The following DMD variants were observed in gnomAD, a reference collection of about 807,000 sequenced individuals.
DMD encodes the protein mutant dystrophin.
In DMD, 63 loss-of-function variants were observed where a neutral mutation model predicts 330.1. The ratio of observed to expected loss-of-function variants is 0.19; its 90% confidence interval spans 0.16 to 0.24. The LOEUF (loss-of-function observed/expected upper bound fraction) is 0.24. Among genes scored for constraint, DMD ranks in the 10% least tolerant of loss-of-function variants. DMD has a pLI of 1.00. For synonymous variants in DMD, 1,223 were observed against 959.8 expected (o/e 1.27, Z -5.07); for missense variants, 3,344 against 2,684.1 (o/e 1.25, Z -5.43).
intron 44 of DMD, among the ~76,000 whole-genome samples, chrX:32,116,563 GT>G (rs1175411044): frequency 2.7e-5 from 3 of 111,880 alleles, no homozygotes; most frequent in Admixed American, 9.5e-5. Flanking sequence ...TGTAAAAATT[GT>G]TTTGAGCTAA....
intron 52 of DMD, among the ~76,000 whole-genome samples, chrX:31,710,033 G>A (rs1030107630): frequency 1.8e-5 from 2 of 111,808 alleles, no homozygotes; most frequent in African/African-American, 3.2e-5. Context: ...ATAGCCTGGG[G>A]AGCTTGTTAT....
At position 33,135,383 on chromosome X, in the gene DMD, T is replaced by C. The variant is rs371955991; in HGVS notation, c.31+75899A>G. Among the ~76,000 whole-genome samples the C allele has an allele frequency of 3.2e-4, 36 of 112,377 alleles. No homozygotes were observed. The East Asian group carries it at 3.3e-3, about 10-fold the overall frequency. ...ACAAATACTAGTCTCTAAATACTTG[T>C]ACATCTGCTCAAAAATTTTATAAAA... On this transcript the variant is annotated intron_variant, in intron 1 of 78. Coordinates refer to ENST00000357033, the MANE Select transcript of DMD (RefSeq NM_004006.3).
At chrX:31,647,972 A>G (rs1273716838) in intron 54 of DMD, among the ~76,000 whole-genome samples, 1 of 112,368 alleles carries the variant, frequency 8.9e-6, no homozygotes, top group Non-Finnish European at 1.9e-5. Flanking sequence ...CCACAGCATA[A>G]AACATTGGCT....
chrX:32,876,628 C>G (rs1299721219), intron 2 of DMD, among the ~76,000 whole-genome samples: 1 of 112,108 alleles, frequency 8.9e-6, no homozygotes, highest in African/African-American at 3.2e-5. Flanking sequence ...TTGTCATTAT[C>G]TGACTTGAAG....
At chrX:31,341,161 T>G (rs1458842097) in intron 61 of DMD, among the ~76,000 whole-genome samples, 4 of 112,218 alleles carry the variant, frequency 3.6e-5, no homozygotes, top group African/African-American at 1.3e-4. Flanking sequence ...ATGCTAAAGC[T>G]AATAGCAAAC....
At chrX:31,515,545 A>G (rs1211837758) in intron 55 of DMD, among the ~76,000 whole-genome samples, 1 of 93,395 alleles carries the variant, frequency 1.1e-5, no homozygotes, top group African/African-American at 4.3e-5. Context: ...GCTTGATGGG[A>G]AAAAAAGTGG....
intron 1 of DMD, among the ~76,000 whole-genome samples, chrX:33,216,988 AG>A (rs2052069720): frequency 8.9e-6 from 1 of 111,831 alleles, no homozygotes; most frequent in African/African-American, 3.2e-5. Flanking sequence ...TATAATTCCA[AG>A]CATTATGATT....
At chrX:32,478,989 C>A (rs957435057) in intron 21 of DMD, among the ~76,000 whole-genome samples, 1 of 110,944 alleles carries the variant, frequency 9.0e-6, no homozygotes, top group African/African-American at 3.3e-5. Flanking sequence ...CCAGGTAAGT[C>A]TCATTTTTCT....
At chrX:32,801,626 G>A (rs2076572971) in intron 7 of DMD, among the ~76,000 whole-genome samples, 1 of 111,778 alleles carries the variant, frequency 8.9e-6, no homozygotes, top group African/African-American at 3.3e-5. Context: ...TTCTTCTAGG[G>A]TTTTTATGGT....
In DMD at chrX:32,534,043, T is replaced by C. The variant is rs151138629; in HGVS notation, c.2168+11116A>G. Among the ~76,000 whole-genome samples the C allele has an allele frequency of 3.5e-3, 393 of 112,313 alleles. 2 individuals are homozygous for C. Among genetic ancestry groups the C allele is most frequent in the Non-Finnish European group, 5.8e-3 (307 of 53,290 alleles). On this transcript the variant is annotated intron_variant, in intron 17 of 78. Coordinates refer to ENST00000357033, the MANE Select transcript of DMD (RefSeq NM_004006.3). ...TGTTAGTAAGCATCACTATGAACTTTAGTCAAAACAGAAGTAATACTCATT... is the reference window on the plus strand; with the variant it reads ...TGTTAGTAAGCATCACTATGAACTTCAGTCAAAACAGAAGTAATACTCATT...
At position 32,858,523 on chromosome X, in the gene DMD, T is replaced by C. The variant is rs781692827; in HGVS notation, c.94-8703A>G. Reference sequence around the variant, plus strand: ...TTTTGTATTTTTAGTAGAGACGGGGTTTCACTATGTTGGTCAGGCTTGTCT... The same window carrying C: ...TTTTGTATTTTTAGTAGAGACGGGGCTTCACTATGTTGGTCAGGCTTGTCT... On this transcript the variant is annotated intron_variant, in intron 2 of 78. Transcript: ENST00000357033. 2.2e-3 allele frequency among the ~76,000 whole-genome samples: 243 copies of C among 110,855 alleles called. 2 individuals are homozygous for C. The highest frequency in any genetic ancestry group is 7.7e-3 in the African/African-American group (235 of 30,459).
chrX:32,088,677 A>AGAGTGTGT (rs1557124160), intron 44 of DMD, among the ~76,000 whole-genome samples: 18 of 97,412 alleles, frequency 1.8e-4, no homozygotes, highest in African/African-American at 6.9e-4. Flanking sequence ...ATAGCTCTGA[A>AGAGTGTGT]GTGTGTGTGT....
At position 32,928,659 on chromosome X, in the gene DMD, C is replaced by T. The variant is rs189984303; in HGVS notation, c.94-78839G>A. Among the ~76,000 whole-genome samples, 521 of 111,650 alleles carry T rather than the reference C, an allele frequency of 4.7e-3. 1 individual carries two copies. The highest frequency in any genetic ancestry group is 7.3e-3 in the Non-Finnish European group (387 of 53,101). On this transcript the variant is annotated intron_variant, in intron 2 of 78. Coordinates refer to ENST00000357033, the MANE Select transcript of DMD (RefSeq NM_004006.3). ...GTCTTCTAAACAGTATTATCTTATTCAGAGTAAAGCAATTGAGAGTTCTTT... is the reference window on the plus strand; with the variant it reads ...GTCTTCTAAACAGTATTATCTTATTTAGAGTAAAGCAATTGAGAGTTCTTT...
At chrX:32,017,676 G>C (rs775604613) in intron 44 of DMD, among the ~76,000 whole-genome samples, 20 of 111,783 alleles carry the variant, frequency 1.8e-4, no homozygotes, top group Non-Finnish European at 2.8e-4. Flanking sequence ...GTATATCCAA[G>C]ATGGCAAGAT....
chrX:32,125,492 T>A (rs1427996570), intron 44 of DMD, among the ~76,000 whole-genome samples: 2 of 111,548 alleles, frequency 1.8e-5, no homozygotes, highest in Non-Finnish European at 3.8e-5. Flanking sequence ...TCTGATACAT[T>A]TAAGTGGAGA....
intron 18 of DMD, among the ~76,000 whole-genome samples, chrX:32,504,778 A>C (rs1454664434): frequency 1.8e-5 from 2 of 111,426 alleles, no homozygotes; most frequent in Non-Finnish European, 3.8e-5. Context: ...GAGTGAGGGG[A>C]AAAGGTCCAA....
chrX:33,226,089 T>C (rs1461331384), intron 1 of DMD, among the ~76,000 whole-genome samples: 1 of 111,548 alleles, frequency 9.0e-6, no homozygotes, highest in African/African-American at 3.2e-5. Flanking sequence ...CTGGCAAGAA[T>C]GCAGAGAAAT....
At chrX:32,297,989 C>G (rs1041997611) in intron 42 of DMD, among the ~76,000 whole-genome samples, 3 of 110,058 alleles carry the variant, frequency 2.7e-5, no homozygotes, top group African/African-American at 9.9e-5. Flanking sequence ...AGTGTATGAG[C>G]TAGCGACTAC....
At chrX:31,211,894 T>C (rs186952172) in intron 64 of DMD, among the ~76,000 whole-genome samples, 24 of 111,590 alleles carry the variant, frequency 2.2e-4, no homozygotes, top group African/African-American at 7.8e-4. Flanking sequence ...ATGGAGCTAT[T>C]TTGAAAAAAT....
Sources: allele counts gnomAD v4.1 joint callset (sites outside exome capture counted in the v4.1 genomes callset), GRCh38; gene constraint gnomAD v4.1.1; transcripts MANE v1.5; gene names NCBI Gene and HGNC (gene_info 2026-07-23, HGNC 2026-07-21).